The following FAAH2 variants were observed in gnomAD, a reference collection of about 807,000 sequenced individuals.
FAAH2 encodes fatty acid amide hydrolase 2, also known as fatty-acid amide hydrolase 2.
FAAH2 carries 60 observed loss-of-function variants against 36.9 expected under a neutral mutation model. The ratio of observed to expected loss-of-function variants is 1.63; its 90% CI spans 1.32 to 2.02. The LOEUF (loss-of-function observed/expected upper bound fraction) is 2.02. Ranked by LOEUF, FAAH2 falls within the 30% of genes most tolerant of loss-of-function variation. The pLI is 0.00. For synonymous variants in FAAH2, 214 were observed against 143.8 expected, an observed-to-expected ratio of 1.49 and a Z score of -3.49; for missense variants, 689 against 397.5, an observed-to-expected ratio of 1.73 and a Z score of -6.23.
intron 3 of FAAH2, among the ~76,000 whole-genome samples, chrX:57,328,119 G>A (rs924783314): frequency 8.9e-6 from 1 of 112,206 alleles, no homozygotes; most frequent in Non-Finnish European, 1.9e-5. Context: ...GACCCTGTTT[G>A]CCTGGGTATC....
the FAAH2 span, among the ~76,000 whole-genome samples, chrX:57,123,577 C>T: frequency 0.27 from 30,554 of 111,376 alleles, 3,226 homozygotes; most frequent in Middle Eastern, 0.54. Context: ...GGAATCGCCA[C>T]GCTGACTTCC....
At chrX:57,167,122 G>C in the FAAH2 span, among the ~76,000 whole-genome samples, 4 of 111,804 alleles carry the variant, frequency 3.6e-5, no homozygotes, top group Non-Finnish European at 5.6e-5. Context: ...GGGCCACAAA[G>C]ATGGGAGCAT....
chrX:57,350,772 G>T (rs1014748207), intron 5 of FAAH2, among the ~76,000 whole-genome samples: 3 of 110,964 alleles, frequency 2.7e-5, no homozygotes, highest in Non-Finnish European at 5.7e-5. Context: ...TAATGATAAA[G>T]AAATCAATTC....
At chrX:57,201,151 G>A in the FAAH2 span, among the ~76,000 whole-genome samples, 1 of 109,067 alleles carries the variant, frequency 9.2e-6, no homozygotes, top group Non-Finnish European at 1.9e-5. Context: ...GGCTGGGCAC[G>A]GTGGCTCATG....
chrX:57,392,193 C>A (rs1602510449), intron 7 of FAAH2, among the ~76,000 whole-genome samples: 2 of 111,032 alleles, frequency 1.8e-5, no homozygotes, highest in South Asian at 3.8e-4. Context: ...AATTGTTTAT[C>A]AAATATAGGA....
chrX:57,439,818 A>G (rs1427368370), intron 8 of FAAH2, among the ~76,000 whole-genome samples: 1 of 111,765 alleles, frequency 8.9e-6, no homozygotes, highest in African/African-American at 3.3e-5. Context: ...CTTTCTACAT[A>G]TGGCTAGCCA....
intron 4 of FAAH2, among the ~76,000 whole-genome samples, chrX:57,340,144 G>A (rs1414195998): frequency 1.8e-5 from 2 of 111,757 alleles, no homozygotes; most frequent in Admixed American, 9.5e-5. Flanking sequence ...GTGTGAGTCC[G>A]AGCGTCCAAA....
chrX:57,217,197 G>T, the FAAH2 span, among the ~76,000 whole-genome samples: 1 of 58,257 alleles, frequency 1.7e-5, no homozygotes, highest in Admixed American at 2.3e-4. Flanking sequence ...CAGATGTATA[G>T]ATTGTGAAGA....
intron 5 of FAAH2, 65 bp from the exon 6 acceptor site, chrX:57,378,586 T>A (rs1468290246): frequency 8.5e-7 from 1 of 1,176,896 alleles, no homozygotes; most frequent in East Asian, 3.0e-5. Context: ...AACACCATAA[T>A]GAAATACAAC....
intron 2 of FAAH2, among the ~76,000 whole-genome samples, chrX:57,306,693 T>C (rs1240006504): frequency 3.3e-4 from 2 of 6,093 alleles, no homozygotes; most frequent in Admixed American, 0.01. Context: ...CAACATCTTG[T>C]GTGTGTGTGT....
chrX:57,320,147 A>T (rs2052975795), intron 3 of FAAH2, among the ~76,000 whole-genome samples: 1 of 112,078 alleles, frequency 8.9e-6, no homozygotes, highest in Non-Finnish European at 1.9e-5. Context: ...AAAAATGGCA[A>T]CAAAAGCCAA....
chrX:57,454,208 T>C (rs922392315), intron 10 of FAAH2, among the ~76,000 whole-genome samples: 1 of 112,017 alleles, frequency 8.9e-6, no homozygotes, highest in African/African-American at 3.3e-5. Flanking sequence ...ACCTAAAATA[T>C]TTTGCAAGTA....
chrX:57,285,656 A>G (rs1226109641), upstream of FAAH2, among the ~76,000 whole-genome samples: 1 of 111,648 alleles, frequency 9.0e-6, no homozygotes, highest in Non-Finnish European at 1.9e-5. Flanking sequence ...AGGAGGGAAG[A>G]GAGAACTTTC....
At chrX:57,471,200 C>T (rs895172373) in intron 10 of FAAH2, among the ~76,000 whole-genome samples, 2 of 111,684 alleles carry the variant, frequency 1.8e-5, no homozygotes, top group Admixed American at 9.5e-5. Context: ...CAGGGATGAC[C>T]TCTCTCACCA....
chrX:57,380,369 C>T (rs1214883149), intron 6 of FAAH2, among the ~76,000 whole-genome samples: 2 of 111,273 alleles, frequency 1.8e-5, no homozygotes, highest in East Asian at 5.7e-4. Context: ...TTTACTACTA[C>T]AGGAAGACTG....
chrX:57,256,988 A>G, the FAAH2 span, among the ~76,000 whole-genome samples: 1 of 112,242 alleles, frequency 8.9e-6, no homozygotes, highest in African/African-American at 3.2e-5. Flanking sequence ...CAAAACCATA[A>G]TGAGATACCA....
At chrX:57,216,508 A>ATATG in the FAAH2 span, among the ~76,000 whole-genome samples, 1 of 61,204 alleles carries the variant, frequency 1.6e-5, no homozygotes, top group African/African-American at 1.1e-4. Context: ...ATATGTATAT[A>ATATG]TATATATATA....
chrX:57,479,337 T>C, intron 10 of FAAH2, among the ~76,000 whole-genome samples: 1 of 112,168 alleles, frequency 8.9e-6, no homozygotes, highest in Non-Finnish European at 1.9e-5. Flanking sequence ...TACGTTGATT[T>C]TTGTATCTTG....
intron 2 of FAAH2, among the ~76,000 whole-genome samples, chrX:57,308,329 T>G (rs2052600673): frequency 1.8e-5 from 2 of 111,658 alleles, no homozygotes; most frequent in Non-Finnish European, 3.8e-5. Context: ...CCATTCTGAC[T>G]GGTGTGAGAG....
Sources: allele counts gnomAD v4.1 joint callset (sites outside exome capture counted in the v4.1 genomes callset), GRCh38; gene constraint gnomAD v4.1.1; transcripts MANE v1.5; gene names NCBI Gene and HGNC (gene_info 2026-07-23, HGNC 2026-07-21).